The following LRP1B variants were observed in gnomAD, a reference collection of about 807,000 sequenced individuals.
LRP1B encodes the protein LDL receptor related protein 1B, also known as low-density lipoprotein receptor-related protein 1B.
In LRP1B, 217 loss-of-function variants were observed where a neutral mutation model predicts 556.6. The ratio of observed to expected loss-of-function variants is 0.39; its 90% CI spans 0.35 to 0.44. LRP1B has a LOEUF of 0.44. Ranked by LOEUF, LRP1B falls within the 20% of genes least tolerant of loss-of-function variation. The pLI is 1.00. For synonymous variants in LRP1B, 2,047 were observed against 1,865.8 expected, an observed-to-expected ratio of 1.10 and a Z score of -2.50; for missense variants, 5,053 against 5,620.8, an observed-to-expected ratio of 0.90 and a Z score of 3.23.
rs1173373375 is a variant in LRP1B at position 140,994,113 on chromosome 2, A to G, written c.2526T>C (p.Pro842=). The part of the protein sequence containing the change: ...TCTFNPGEAL[P]HICKAGEFRC... ...GAAACTCTCCAGCTTTACATATGTG[A>G]GGTAGTGCTTCTCCAGGATTAACTA... The change falls in exon 16 of 91, where the codon CCT becomes CCC. Residue 842 remains proline (P), a synonymous_variant. Coordinates refer to ENST00000389484, the MANE Select transcript of LRP1B (RefSeq NM_018557.3). 1 of 1,612,374 alleles carries G rather than the reference A, an allele frequency of 6.2e-7. No homozygotes were observed. Among genetic ancestry groups the G allele is most frequent in the Admixed American group, 1.7e-5 (1 of 59,866 alleles).
At chr2:140,477,116 T>C (rs1176599594) in intron 59 of LRP1B, among the ~76,000 whole-genome samples, 5 of 152,056 alleles carry the variant, frequency 3.3e-5, no homozygotes, top group Non-Finnish European at 7.4e-5. Flanking sequence ...CTATACTAGG[T>C]ATCATGACAG....
At chr2:141,041,430 T>C (rs903015155) in intron 11 of LRP1B, among the ~76,000 whole-genome samples, 3 of 152,106 alleles carry the variant, frequency 2.0e-5, no homozygotes, top group African/African-American at 7.2e-5. Context: ...TCTTTGCCTT[T>C]TCCAGCTTCT....
At chr2:141,789,186 C>T (rs538057534) in intron 2 of LRP1B, among the ~76,000 whole-genome samples, 1 of 151,980 alleles carries the variant, frequency 6.6e-6, no homozygotes, top group South Asian at 2.1e-4. Context: ...TAATATACGG[C>T]TTCTGGATAA....
chr2:141,973,155 C>G (rs1040001848), intron 1 of LRP1B, among the ~76,000 whole-genome samples: 1 of 151,454 alleles, frequency 6.6e-6, no homozygotes, highest in Non-Finnish European at 1.5e-5. Context: ...ATGAACAGAA[C>G]AATTGTTAAA....
rs375908670 is a variant in LRP1B, at chr2:141,308,426, A to T, written c.344-53785T>A. On this transcript the variant is annotated intron_variant, in intron 3 of 90. Transcript: ENST00000389484. ...TACAAACAAGTCATTTCTAGCTGATAACAAAAGTTATCAGAAAAACTATAG... is the reference window on the plus strand; with the variant it reads ...TACAAACAAGTCATTTCTAGCTGATTACAAAAGTTATCAGAAAAACTATAG... Among the ~76,000 whole-genome samples the T allele has an allele frequency of 5.9e-5, 9 of 152,324 alleles. No individual in the cohort carries two copies. The East Asian group carries it at 1.7e-3, about 29-fold the overall frequency.
intron 1 of LRP1B, among the ~76,000 whole-genome samples, chr2:141,929,593 G>A (rs1233382677): frequency 1.3e-5 from 2 of 151,648 alleles, no homozygotes; most frequent in South Asian, 2.1e-4. Flanking sequence ...CGTTCATCAC[G>A]GTCTGTTGTA....
At chr2:140,351,414 ATTAC>A (rs1241037915) in intron 76 of LRP1B, among the ~76,000 whole-genome samples, 1 of 152,022 alleles carries the variant, frequency 6.6e-6, no homozygotes. Flanking sequence ...AAAGTTTCTG[ATTAC>A]TTAATTTATG....
chr2:142,023,233 G>A (rs1287289185), intron 1 of LRP1B, among the ~76,000 whole-genome samples: 3 of 152,114 alleles, frequency 2.0e-5, no homozygotes, highest in African/African-American at 4.8e-5. Context: ...CTAATGAGCT[G>A]ATGCAATAAA....
At chr2:140,247,186 A>C (rs750173377) in intron 86 of LRP1B, 24 bp from the exon 87 acceptor site, 1 of 1,552,332 alleles carries the variant, frequency 6.4e-7, no homozygotes, top group Admixed American at 1.7e-5. Flanking sequence ...AACAACAAAC[A>C]AAACAGATCA....
At chr2:141,961,252 A>C (rs114246750) in intron 1 of LRP1B, among the ~76,000 whole-genome samples, 7,045 of 151,758 alleles carry the variant, frequency 0.046, 269 homozygotes, top group South Asian at 0.16. Flanking sequence ...TTGTCTTACT[A>C]TGTTGGATCC....
intron 86 of LRP1B, among the ~76,000 whole-genome samples, chr2:140,264,621 A>G (rs1682104805): frequency 6.6e-6 from 1 of 152,012 alleles, no homozygotes; most frequent in South Asian, 2.1e-4. Context: ...GATACTGGGT[A>G]TCAGGTCTTC....
At chr2:140,858,395 C>A (rs1357058539) in intron 27 of LRP1B, among the ~76,000 whole-genome samples, 2 of 150,954 alleles carry the variant, frequency 1.3e-5, no homozygotes, top group East Asian at 3.9e-4. Context: ...GAGAACAATA[C>A]AATGTATTAT....
intron 1 of LRP1B, among the ~76,000 whole-genome samples, chr2:141,950,480 T>G (rs1292995651): frequency 6.6e-6 from 1 of 152,182 alleles, no homozygotes; most frequent in East Asian, 1.9e-4. Flanking sequence ...TTTCCTTTGA[T>G]GAAGAAACAT....
chr2:141,141,831 T>C (rs989821727), intron 7 of LRP1B, among the ~76,000 whole-genome samples: 3 of 152,156 alleles, frequency 2.0e-5, no homozygotes, highest in Non-Finnish European at 4.4e-5. Context: ...AAAATGGCAA[T>C]CTGTATGTGA....
At chr2:140,514,577 T>C (rs1689805681) in intron 51 of LRP1B, 76 bp downstream of exon 51, 1 of 1,357,254 alleles carries the variant, frequency 7.4e-7, no homozygotes, top group Non-Finnish European at 9.8e-7. Context: ...AATTAGCAAA[T>C]TTTGTGTATG....
chr2:142,107,995 T>TA (rs1234939457), intron 1 of LRP1B, among the ~76,000 whole-genome samples: 2 of 150,510 alleles, frequency 1.3e-5, no homozygotes, highest in East Asian at 3.9e-4. Context: ...CATAAGAGCT[T>TA]ATGTCATATA....
chr2:141,880,957 A>G (rs1267263990), intron 1 of LRP1B, among the ~76,000 whole-genome samples: 2 of 152,108 alleles, frequency 1.3e-5, no homozygotes, highest in Non-Finnish European at 2.9e-5. Context: ...AAACTTAGGA[A>G]TATTAAATTT....
At chr2:141,984,161 G>GT (rs75115384) in intron 1 of LRP1B, among the ~76,000 whole-genome samples, 26 of 151,870 alleles carry the variant, frequency 1.7e-4, no homozygotes, top group Admixed American at 5.2e-4. Flanking sequence ...TAATATCTGA[G>GT]TTTTTTTTAA....
chr2:141,996,967 T>C (rs935898820), intron 1 of LRP1B, among the ~76,000 whole-genome samples: 2 of 152,172 alleles, frequency 1.3e-5, no homozygotes, highest in African/African-American at 4.8e-5. Context: ...TTGTATAGGT[T>C]TCTTAGAGTT....
Sources: allele counts gnomAD v4.1 joint callset (sites outside exome capture counted in the v4.1 genomes callset), GRCh38; gene constraint gnomAD v4.1.1; transcripts MANE v1.5; gene names NCBI Gene and HGNC (gene_info 2026-07-23, HGNC 2026-07-21).